DAB1: variants seen among roughly 807,000 people sequenced by gnomAD.
The protein encoded by DAB1 is DAB adaptor protein 1, also known as disabled homolog 1.
A neutral mutation model predicts 64.6 loss-of-function variants in DAB1; 15 were observed. The ratio of observed to expected loss-of-function variants is 0.23; its 90% CI spans 0.16 to 0.36. The LOEUF (loss-of-function observed/expected upper bound fraction) is 0.36, where lower values mean the gene tolerates loss of function less well. Ranked by LOEUF, DAB1 falls within the 10% of genes least tolerant of loss-of-function variation. The pLI is 1.00. For missense variants in DAB1, 596 were observed against 706.7 expected (o/e 0.84, Z 1.78); for synonymous variants, 235 against 251.9 (o/e 0.93, Z 0.64).
At chr1:58,321,955 C>T (rs140706260) in intron 4 of DAB1, among the ~76,000 whole-genome samples, 1 of 152,226 alleles carries the variant, frequency 6.6e-6, no homozygotes, top group Admixed American at 6.5e-5. Context: ...GACAGACTGC[C>T]TCCTCAAGTA....
At chr1:57,712,975 T>C (rs532465060) in intron 6 of DAB1, among the ~76,000 whole-genome samples, 31 of 152,208 alleles carry the variant, frequency 2.0e-4, no homozygotes, top group Non-Finnish European at 4.4e-4. Flanking sequence ...GCATGCTTTC[T>C]TTCTATCAGA....
chr1:57,614,770 G>C (rs1296408580), intron 7 of DAB1, among the ~76,000 whole-genome samples: 1 of 151,770 alleles, frequency 6.6e-6, no homozygotes, highest in Non-Finnish European at 1.5e-5. Context: ...CTGGTTTGGG[G>C]CATTTTTACT....
intron 1 of DAB1, among the ~76,000 whole-genome samples, chr1:57,329,984 G>T (rs978124456): frequency 6.6e-6 from 1 of 152,108 alleles, no homozygotes; most frequent in African/African-American, 2.4e-5. Context: ...AATTCAAAAG[G>T]CAATAGCAGT....
chr1:57,383,453 C>T (rs1681545979), intron 1 of DAB1, among the ~76,000 whole-genome samples: 1 of 152,134 alleles, frequency 6.6e-6, no homozygotes, highest in Non-Finnish European at 1.5e-5. Flanking sequence ...CTTCTTTGAA[C>T]CTCAACGTTT....
intron 4 of DAB1, among the ~76,000 whole-genome samples, chr1:58,179,138 T>A (rs1323301441): frequency 6.6e-6 from 1 of 151,506 alleles, no homozygotes; most frequent in Non-Finnish European, 1.5e-5. Context: ...TTATGTTAAA[T>A]GATTTATGGA....
At chr1:57,497,259 T>C (rs1644241762) in intron 7 of DAB1, among the ~76,000 whole-genome samples, 1 of 152,216 alleles carries the variant, frequency 6.6e-6, no homozygotes, top group South Asian at 2.1e-4. Flanking sequence ...ATATGATATG[T>C]TTATTTACTT....
At chr1:57,963,923 A>G (rs2100283178) in intron 5 of DAB1, among the ~76,000 whole-genome samples, 1 of 152,334 alleles carries the variant, frequency 6.6e-6, no homozygotes, top group East Asian at 1.9e-4. Context: ...AGGAAGAAAG[A>G]ACATATAATT....
intron 1 of DAB1, among the ~76,000 whole-genome samples, chr1:57,407,192 C>T (rs1451880206): frequency 6.6e-6 from 1 of 152,178 alleles, no homozygotes; most frequent in African/African-American, 2.4e-5. Flanking sequence ...TTTCCCCGCG[C>T]CAGTAGGATT....
At chr1:57,568,978 G>T (rs79661183) in intron 7 of DAB1, among the ~76,000 whole-genome samples, 1 of 152,048 alleles carries the variant, frequency 6.6e-6, no homozygotes, top group South Asian at 2.1e-4. Flanking sequence ...CACATGCACG[G>T]CCGGGCGCGG....
At chr1:57,101,140 G>A (rs977880985) in intron 4 of DAB1, among the ~76,000 whole-genome samples, 3 of 152,100 alleles carry the variant, frequency 2.0e-5, no homozygotes, top group South Asian at 2.1e-4. Flanking sequence ...ATGGTACTGG[G>A]TCTGACTTCT....
chr1:57,751,898 G>A (rs145466133), intron 6 of DAB1, among the ~76,000 whole-genome samples: 3 of 152,250 alleles, frequency 2.0e-5, no homozygotes, highest in African/African-American at 4.8e-5. Context: ...AATTGAATGC[G>A]ATCAGTTCTG....
At chr1:58,052,277 C>A (rs1029581864) in intron 5 of DAB1, among the ~76,000 whole-genome samples, 1 of 152,178 alleles carries the variant, frequency 6.6e-6, no homozygotes, top group African/African-American at 2.4e-5. Flanking sequence ...AGCCAATTTT[C>A]CCAGCACCAT....
intron 4 of DAB1, among the ~76,000 whole-genome samples, chr1:57,074,290 A>G (rs1468211749): frequency 1.3e-5 from 2 of 152,208 alleles, no homozygotes; most frequent in Admixed American, 1.3e-4. Flanking sequence ...GATGATTACA[A>G]ATGCAGTTTT....
chr1:57,395,176 G>A (rs760612019), intron 1 of DAB1, among the ~76,000 whole-genome samples: 5 of 152,044 alleles, frequency 3.3e-5, no homozygotes, highest in Admixed American at 6.5e-5. Context: ...AGGTGTGTGC[G>A]ACCACGCTCA....
At chr1:58,332,114 T>C (rs1468975086) in intron 4 of DAB1, among the ~76,000 whole-genome samples, 1 of 152,208 alleles carries the variant, frequency 6.6e-6, no homozygotes, top group Non-Finnish European at 1.5e-5. Context: ...ATATGGCTTA[T>C]ACTAAGATTG....
chr1:57,025,858 A>G, intron 10 of DAB1, 123 bp downstream of exon 10: 1 of 742,474 alleles, frequency 1.3e-6, no homozygotes, highest in South Asian at 2.0e-5. Context: ...ACACAGCTTG[A>G]AAGAGTCAAC....
chr1:57,152,169 C>T (rs999282350), intron 2 of DAB1, among the ~76,000 whole-genome samples: 1 of 152,114 alleles, frequency 6.6e-6, no homozygotes, highest in Admixed American at 6.5e-5. Flanking sequence ...TACTTGGTAT[C>T]ATTTGTGGCT....
intron 14 of DAB1, among the ~76,000 whole-genome samples, chr1:57,005,985 G>C (rs1370303768): frequency 6.6e-6 from 1 of 152,180 alleles, no homozygotes; most frequent in Non-Finnish European, 1.5e-5. Context: ...AATTCTGTTA[G>C]CCAATTCTGG....
chr1:57,940,526 G>A (rs1387531686), intron 5 of DAB1, among the ~76,000 whole-genome samples: 2 of 152,168 alleles, frequency 1.3e-5, no homozygotes, highest in Non-Finnish European at 1.5e-5. Context: ...AAGTCTTCTA[G>A]CCCAATGCAT....
Sources: gnomAD v4.1 joint callset for allele counts (sites outside exome capture counted in the v4.1 genomes callset) on GRCh38, gnomAD v4.1.1 for gene constraint, MANE v1.5 for transcripts, NCBI Gene and HGNC (gene_info 2026-07-23, HGNC 2026-07-21) for gene names.